The following ANKFY1 variants were observed in gnomAD, a reference collection of about 807,000 sequenced individuals.
ANKFY1 encodes the protein ankyrin repeat and FYVE domain-containing protein 1.
ANKFY1 carries 47 observed loss-of-function variants against 128.3 expected under a neutral mutation model. That is an observed-to-expected ratio of 0.37 (90% confidence interval 0.29 to 0.47). ANKFY1 has a LOEUF of 0.47. ANKFY1 is among the 20% of genes least tolerant of loss of function. The pLI, the probability that ANKFY1 is intolerant of heterozygous loss-of-function variation, is 1.00. For missense variants in ANKFY1, 1,222 were observed against 1,510.6 expected, an observed-to-expected ratio of 0.81 and a Z score of 3.17; for synonymous variants, 553 against 601.6, an observed-to-expected ratio of 0.92 and a Z score of 1.18.
intron 19 of ANKFY1, among the ~76,000 whole-genome samples, chr17:4,175,362 A>C (rs1426895950): frequency 4.0e-5 from 6 of 151,814 alleles, no homozygotes; most frequent in Admixed American, 1.3e-4. Flanking sequence ...AAAAAGAAAG[A>C]AAAAAAGGGA....
At chr17:4,202,034 T>C (rs1437006352) in intron 7 of ANKFY1, among the ~76,000 whole-genome samples, 1 of 152,144 alleles carries the variant, frequency 6.6e-6, no homozygotes, top group South Asian at 2.1e-4. Context: ...AAGTCCAAAA[T>C]ATGAGATACT....
At chr17:4,247,546 GCTACTT>G (rs955657571) in intron 1 of ANKFY1, among the ~76,000 whole-genome samples, 5 of 152,052 alleles carry the variant, frequency 3.3e-5, no homozygotes, top group African/African-American at 1.2e-4. Flanking sequence ...ACTTACCAGC[GCTACTT>G]CAATTGCCAT....
At chr17:4,201,623 G>T (rs983657236) in intron 7 of ANKFY1, among the ~76,000 whole-genome samples, 2 of 152,014 alleles carry the variant, frequency 1.3e-5, no homozygotes, top group Non-Finnish European at 2.9e-5. Flanking sequence ...AATGAATCAT[G>T]ACTTCAGGTA....
chr17:4,203,803 G>A (rs4500776), intron 7 of ANKFY1, among the ~76,000 whole-genome samples: 46,454 of 122,842 alleles, frequency 0.38, 8,596 homozygotes, highest in Middle Eastern at 0.53. Flanking sequence ...TGACAGGAGC[G>A]AAACTCCGTC....
intron 8 of ANKFY1, 81 bp from the exon 9 acceptor site, chr17:4,195,552 AG>A: frequency 9.4e-7 from 1 of 1,062,134 alleles, no homozygotes; most frequent in Non-Finnish European, 1.4e-6. Flanking sequence ...CCAGAATCCC[AG>A]GCAGAATCAC....
intron 8 of ANKFY1, among the ~76,000 whole-genome samples, chr17:4,197,103 A>T (rs989577045): frequency 4.6e-5 from 7 of 152,206 alleles, no homozygotes; most frequent in African/African-American, 1.7e-4. Context: ...TGGGTGACAG[A>T]GTGAGATGCT....
chr17:4,174,820 TTA>T (rs2059383760), intron 19 of ANKFY1, among the ~76,000 whole-genome samples: 1 of 151,972 alleles, frequency 6.6e-6, no homozygotes, highest in African/African-American at 2.4e-5. Context: ...ACGCCTGGGC[TTA>T]GATGATTGGC....
chr17:4,239,998 G>A (rs1027824635), intron 2 of ANKFY1, among the ~76,000 whole-genome samples: 2 of 150,800 alleles, frequency 1.3e-5, no homozygotes, highest in South Asian at 2.1e-4. Flanking sequence ...TGGACTATAC[G>A]CAACATCACA....
At position 4,191,969 on chromosome 17, in the gene ANKFY1, T is replaced by G. The variant is rs557767590; in HGVS notation, c.1373-2490A>C. On this transcript the variant is annotated intron_variant, in intron 10 of 24. Coordinates refer to ENST00000341657, the MANE Select transcript of ANKFY1 (RefSeq NM_001330063.2). ...TTGATGGTTGCTCTAATCTGGAGAC[T>G]CCTAGTTGATGGTTAATCTGGAGAC... Among the ~76,000 whole-genome samples, 8 of 60,668 alleles carry G rather than the reference T, an allele frequency of 1.3e-4. No homozygotes were observed. The East Asian group carries it at 6.1e-3, about 46-fold the overall frequency. 39.8% of individuals were successfully genotyped at this position (60,668 alleles called of 152,430 possible).
At chr17:4,197,672 G>A (rs2059851124) in intron 7 of ANKFY1, 95 bp from the exon 8 acceptor site, 1 of 1,150,452 alleles carries the variant, frequency 8.7e-7, no homozygotes, top group Non-Finnish European at 1.3e-6. Flanking sequence ...AGACAAAGGA[G>A]AGCGATAACT....
At chr17:4,214,451 G>A (rs1312406532) in intron 4 of ANKFY1, among the ~76,000 whole-genome samples, 1 of 151,920 alleles carries the variant, frequency 6.6e-6, no homozygotes, top group East Asian at 1.9e-4. Flanking sequence ...TCACCCGAAG[G>A]GAATTTTTTA....
chr17:4,255,064 A>G (rs1968044725), intron 1 of ANKFY1, among the ~76,000 whole-genome samples: 1 of 152,014 alleles, frequency 6.6e-6, no homozygotes, highest in African/African-American at 2.4e-5. Context: ...GAATTAAATG[A>G]GCTCCTTCAT....
rs929852415 is a variant in ANKFY1, at chr17:4,166,054, G to A, written c.*1725C>T. On this transcript the variant is annotated 3_prime_UTR_variant, in exon 25 of 25. Transcript: ENST00000341657. ...CATTCTGTATGAAATATGTCAGACT[G>A]GGGGACGGGGGATCTCTTCTAATTC... 2.0e-5 allele frequency: 3 copies of A among 152,192 alleles called. No individual in the cohort carries two copies. Among genetic ancestry groups the A allele is most frequent in the African/African-American group, 7.2e-5 (3 of 41,444 alleles). The allele number at this position is 152,192 out of a possible 1,614,324, so 9.4% of individuals were successfully genotyped here.
chr17:4,261,643 T>G (rs576819471), intron 1 of ANKFY1, among the ~76,000 whole-genome samples: 1 of 152,336 alleles, frequency 6.6e-6, no homozygotes, highest in Admixed American at 6.5e-5. Flanking sequence ...TGCCGGATGA[T>G]GAGTATGCTG....
intron 1 of ANKFY1, among the ~76,000 whole-genome samples, chr17:4,244,987 C>A (rs569754194): frequency 5.3e-5 from 8 of 152,234 alleles, no homozygotes; most frequent in Non-Finnish European, 8.8e-5. Context: ...TCTGTCCCCA[C>A]CATCCCCTTG....
intron 3 of ANKFY1, chr17:4,222,133 G>A (rs1362885690): frequency 6.7e-6 from 1 of 148,934 alleles, no homozygotes; most frequent in Non-Finnish European, 1.5e-5. Flanking sequence ...GGCGCCGGGA[G>A]GCGTGGCTGG....
chr17:4,167,885 T>C lies in ANKFY1; in HGVS notation c.3404A>G (p.His1135Arg), dbSNP rs1345102773. ...HCRHCGRLLC[H>R]KCSTKEIPII... Reference sequence around the variant, plus strand: ...AGGAATCTCCTTGGTCGAGCATTTATGGCAAAGAAGACGTCCGCAGTGACG... The same window carrying C: ...AGGAATCTCCTTGGTCGAGCATTTACGGCAAAGAAGACGTCCGCAGTGACG... The change falls in exon 25 of 25, where the codon CAT (histidine) becomes CGT (arginine). Residue 1135 changes from histidine to arginine, a missense_variant. By Grantham distance (29) the His-to-Arg change is conservative. Transcript: ENST00000341657. The surrounding 1 kb of genome is among the most constrained non-coding windows in gnomAD (Gnocchi z 4.1). The C allele has an allele frequency of 1.9e-6, 3 of 1,613,946 alleles. No individual in the cohort carries two copies. In the African/African-American group the frequency reaches 4.0e-5, roughly 22 times the overall value.
chr17:4,231,683 T>A (rs767764538), intron 3 of ANKFY1, among the ~76,000 whole-genome samples: 3 of 151,712 alleles, frequency 2.0e-5, no homozygotes, highest in Non-Finnish European at 4.4e-5. Flanking sequence ...GCCTCACACC[T>A]GTAATCCCAA....
intron 8 of ANKFY1, among the ~76,000 whole-genome samples, chr17:4,195,895 C>A (rs948951553): frequency 6.6e-6 from 1 of 151,966 alleles, no homozygotes; most frequent in Non-Finnish European, 1.5e-5. Context: ...CTGATGAAAG[C>A]GGCATTTAAC....
Sources: allele counts gnomAD v4.1 joint callset (sites outside exome capture counted in the v4.1 genomes callset), GRCh38; gene constraint gnomAD v4.1.1; non-coding constraint Gnocchi (gnomAD v3.1); transcripts MANE v1.5; gene names NCBI Gene and HGNC (gene_info 2026-07-23, HGNC 2026-07-21).